Variants in ABLIM3 observed in about 807,000 individuals in gnomAD.
ABLIM3 encodes the protein actin-binding LIM protein 3.
A neutral mutation model predicts 109.5 loss-of-function variants in ABLIM3; 61 were observed. The observed-to-expected ratio is 0.56, with a 90% CI of 0.45 to 0.69. ABLIM3 has a LOEUF of 0.69. Ranked by LOEUF, ABLIM3 falls within the 30% of genes least tolerant of loss-of-function variation. ABLIM3 has a pLI of 0.00. For missense variants in ABLIM3, 796 were observed against 889.5 expected, an observed-to-expected ratio of 0.89 and a Z score of 1.34; for synonymous variants, 300 against 324.8, an observed-to-expected ratio of 0.92 and a Z score of 0.82.
intron 2 of ABLIM3, among the ~76,000 whole-genome samples, chr5:149,173,548 A>G (rs140667965): frequency 1.8e-4 from 27 of 152,166 alleles, no homozygotes; most frequent in African/African-American, 6.0e-4. Flanking sequence ...GCAGAAGGGG[A>G]CCTGGAAGCT....
At position 149,252,197 on chromosome 5, in the gene ABLIM3, G is replaced by A. The variant is rs778808021; in HGVS notation, c.1850-4G>A. The A allele has an allele frequency of 6.2e-7, 1 of 1,613,658 alleles. No homozygotes were observed. Among genetic ancestry groups the A allele is most frequent in the South Asian group, 1.1e-5 (1 of 90,980 alleles). ...TGTGTGTGTGTCTCTTTTTCTCTCT[G>A]CAGAGTACAAGGTAAAGGATGTGCA... On this transcript the variant is annotated splice_polypyrimidine_tract_variant and splice_region_variant and intron_variant, in intron 21 of 23. Coordinates refer to ENST00000309868, the MANE Select transcript of ABLIM3 (RefSeq NM_014945.5).
chr5:149,240,567 C>A, intron 13 of ABLIM3, 109 bp from the exon 14 acceptor site: 2 of 842,992 alleles, frequency 2.4e-6, no homozygotes, highest in Non-Finnish European at 4.0e-6. Flanking sequence ...CCCAGCCCAT[C>A]CCCCATCTCT....
At chr5:149,187,776 T>C (rs1254588069) in intron 3 of ABLIM3, among the ~76,000 whole-genome samples, 1 of 152,192 alleles carries the variant, frequency 6.6e-6, no homozygotes, top group Non-Finnish European at 1.5e-5. Flanking sequence ...TCATTCAGAT[T>C]ACCTGCTACC....
rs1032343052 is a variant in ABLIM3, at chr5:149,258,678, T to G, written c.*274T>G. On this transcript the variant is annotated 3_prime_UTR_variant, in exon 24 of 24. Transcript: ENST00000309868. ...ACTGAAACATCTGTCCTAACTTGAGTGCCCCAAGGTCCAACTCTCTTTCCT... is the reference window on the plus strand; with the variant it reads ...ACTGAAACATCTGTCCTAACTTGAGGGCCCCAAGGTCCAACTCTCTTTCCT... 9.2e-7 allele frequency: 1 copy of G among 1,089,688 alleles called. No individual in the cohort carries two copies. The highest frequency in any genetic ancestry group is 1.1e-6 in the Non-Finnish European group (1 of 897,802). The allele number at this position is 1,089,688 out of a possible 1,614,324, so 67.5% of individuals were successfully genotyped here. A position where few individuals can be genotyped will look rare whatever the true frequency, so the allele number is the denominator to read the frequency against.
chr5:149,205,198 G>A (rs866966220), intron 5 of ABLIM3, among the ~76,000 whole-genome samples: 4 of 152,182 alleles, frequency 2.6e-5, no homozygotes, highest in Non-Finnish European at 4.4e-5. Context: ...GAGCAGTCAC[G>A]GGAGTCAAGT....
At chr5:149,220,858 A>C (rs1425692909) in intron 8 of ABLIM3, 1 of 152,196 alleles carries the variant, frequency 6.6e-6, no homozygotes, top group Non-Finnish European at 1.5e-5. Context: ...GGGCCACGCT[A>C]TGTGCCAGGC....
At chr5:149,183,300 T>C (rs1472055952) in intron 2 of ABLIM3, 152 bp from the exon 3 acceptor site, 1 of 928,186 alleles carries the variant, frequency 1.1e-6, no homozygotes, top group African/African-American at 1.7e-5. Context: ...TGCCTTAGCT[T>C]GGCAGTCATC....
chr5:149,240,212 C>G (rs1269910049), intron 13 of ABLIM3, among the ~76,000 whole-genome samples: 1 of 152,192 alleles, frequency 6.6e-6, no homozygotes, highest in East Asian at 1.9e-4. Flanking sequence ...AGGGCAGAAC[C>G]AAGAGACCAG....
intron 8 of ABLIM3, among the ~76,000 whole-genome samples, chr5:149,224,685 G>A (rs1376720858): frequency 6.6e-6 from 1 of 152,202 alleles, no homozygotes; most frequent in Non-Finnish European, 1.5e-5. Flanking sequence ...TTTGTAGGTG[G>A]AGGAGAGGAG....
intron 8 of ABLIM3, among the ~76,000 whole-genome samples, chr5:149,223,390 C>T (rs368573701): frequency 6.6e-6 from 1 of 152,140 alleles, no homozygotes; most frequent in South Asian, 2.1e-4. Context: ...AACAAAATTG[C>T]CTGCTGGGCA....
intron 3 of ABLIM3, among the ~76,000 whole-genome samples, chr5:149,187,804 C>T (rs545872334): frequency 3.3e-5 from 5 of 152,264 alleles, no homozygotes; most frequent in Admixed American, 1.3e-4. Context: ...CCCTGACTCC[C>T]GCCAAAGCAC....
At chr5:149,251,674 T>C (rs1039518743) in intron 21 of ABLIM3, among the ~76,000 whole-genome samples, 14 of 151,996 alleles carry the variant, frequency 9.2e-5, no homozygotes, top group African/African-American at 3.4e-4. Flanking sequence ...CATCACAGAG[T>C]TCTGCTCTCT....
At chr5:149,170,036 T>C (rs1265128470) in intron 2 of ABLIM3, among the ~76,000 whole-genome samples, 1 of 152,126 alleles carries the variant, frequency 6.6e-6, no homozygotes, top group African/African-American at 2.4e-5. Context: ...TATATGTAAA[T>C]TTGCGTCATG....
chr5:149,230,539 C>T lies in ABLIM3; in HGVS notation c.758-110C>T. The stretch of plus-strand genomic sequence containing the variant: ...GGGAAAGCCAAGAGGGCCCTTCTGG[C>T]AGATGTGTAAGGGACATACGCTGAC... On this transcript the variant is annotated intron_variant, in intron 8 of 23. Transcript: ENST00000309868. 2.6e-6 allele frequency: 3 copies of T among 1,170,058 alleles called. No homozygotes were observed. The East Asian group carries it at 7.1e-5, about 28-fold the overall frequency. 72.5% of individuals were successfully genotyped at this position (1,170,058 alleles called of 1,614,324 possible).
chr5:149,193,752 A>G (rs1757714535), intron 3 of ABLIM3, among the ~76,000 whole-genome samples: 1 of 152,222 alleles, frequency 6.6e-6, no homozygotes, highest in Non-Finnish European at 1.5e-5. Context: ...TTAAGGACAG[A>G]TAAAAAGACC....
At chr5:149,224,710 A>C (rs551149147) in intron 8 of ABLIM3, among the ~76,000 whole-genome samples, 2 of 152,274 alleles carry the variant, frequency 1.3e-5, no homozygotes, top group East Asian at 1.9e-4. Flanking sequence ...TAAGAACAAC[A>C]ATACCCAACA....
At chr5:149,160,283 C>T (rs752738631) in intron 2 of ABLIM3, among the ~76,000 whole-genome samples, 2 of 151,632 alleles carry the variant, frequency 1.3e-5, no homozygotes, top group East Asian at 3.9e-4. Context: ...GGTAAAACCC[C>T]GTCTCTACTA....
chr5:149,247,963 G>T (rs746274007), intron 18 of ABLIM3, 34 bp downstream of exon 18: 1 of 1,602,346 alleles, frequency 6.2e-7, no homozygotes, highest in East Asian at 2.2e-5. Flanking sequence ...ACGGGGCGGG[G>T]ACACCTTTCT....
rs200975346 is a variant in ABLIM3, at chr5:149,249,821, G to A, written c.1706G>A (p.Arg569Gln). Residue 569 changes from arginine to glutamine, a missense_variant, in exon 19 of 24, where the codon CGG becomes CAG. Arg to Gln is a conservative substitution (Grantham distance 43, BLOSUM62 1). Transcript: ENST00000309868. Reference sequence around the variant, plus strand: ...CAGCTTTTCTCTCCTGCAGCCCCTCGGTCGCACTACCTGGCTGACAGTGGT... The same window carrying A: ...CAGCTTTTCTCTCCTGCAGCCCCTCAGTCGCACTACCTGGCTGACAGTGGT... ...GYEMSLNGSP[R>Q]SHYLADSDPL... 39 of 1,614,068 alleles carry A rather than the reference G, an allele frequency of 2.4e-5. 1 individual carries two copies. The Admixed American group carries it at 3.3e-4, about 14-fold the overall frequency.
Sources: allele counts gnomAD v4.1 joint callset (sites outside exome capture counted in the v4.1 genomes callset), GRCh38; gene constraint gnomAD v4.1.1; transcripts MANE v1.5; gene names NCBI Gene and HGNC (gene_info 2026-07-23, HGNC 2026-07-21).